The following INPP4B variants were observed in gnomAD, a reference collection of about 807,000 sequenced individuals.
INPP4B encodes the protein inositol polyphosphate-4-phosphatase type II B, also known as inositol polyphosphate 4-phosphatase type II.
INPP4B carries 55 observed loss-of-function variants against 122.5 expected under a neutral mutation model. The ratio of observed to expected loss-of-function variants is 0.45; its 90% confidence interval spans 0.36 to 0.56. The LOEUF (loss-of-function observed/expected upper bound fraction) is 0.56. Among genes scored for constraint, INPP4B ranks in the 20% least tolerant of loss-of-function variants. The probability of loss-of-function intolerance (pLI) is 0.00; values close to 1 mark genes in which losing one functional copy is unlikely to be tolerated. For missense variants in INPP4B, 1,000 were observed against 1,097.7 expected, an observed-to-expected ratio of 0.91 and a Z score of 1.26; for synonymous variants, 403 against 388.7, an observed-to-expected ratio of 1.04 and a Z score of -0.43.
intron 2 of INPP4B, among the ~76,000 whole-genome samples, chr4:142,674,221 C>A (rs1314127361): frequency 2.6e-5 from 4 of 152,078 alleles, no homozygotes; most frequent in African/African-American, 7.2e-5. Context: ...CATTTTCATG[C>A]AGGATCATTT....
chr4:142,434,238 G>T (rs144207700), intron 3 of INPP4B, among the ~76,000 whole-genome samples: 2 of 152,242 alleles, frequency 1.3e-5, no homozygotes, highest in East Asian at 3.9e-4. Context: ...TACATAATGA[G>T]CTGAAGACAC....
At chr4:142,761,029 T>G (rs1336819833) in intron 1 of INPP4B, among the ~76,000 whole-genome samples, 1 of 152,166 alleles carries the variant, frequency 6.6e-6, no homozygotes. Flanking sequence ...TATTTATTTG[T>G]ATTCTCCCAA....
At chr4:142,300,728 A>G (rs1761060896) in intron 9 of INPP4B, among the ~76,000 whole-genome samples, 1 of 152,204 alleles carries the variant, frequency 6.6e-6, no homozygotes, top group Non-Finnish European at 1.5e-5. Context: ...TTTCTTTCAT[A>G]GCATCTTGCA....
chr4:142,352,517 A>G (rs1782237250), intron 7 of INPP4B, among the ~76,000 whole-genome samples: 1 of 151,470 alleles, frequency 6.6e-6, no homozygotes, highest in African/African-American at 2.4e-5. Flanking sequence ...ACTTTTCTAC[A>G]CCAAAAATAT....
chr4:142,186,255 A>C (rs1415638994), intron 15 of INPP4B, among the ~76,000 whole-genome samples: 1 of 152,234 alleles, frequency 6.6e-6, no homozygotes, highest in Non-Finnish European at 1.5e-5. Context: ...ATAAATGCTT[A>C]GCATATATAA....
At position 142,629,268 on chromosome 4, in the gene INPP4B, T is replaced by C. The variant is rs529404824; in HGVS notation, c.-191+96571A>G. Among the ~76,000 whole-genome samples, 22 of 152,222 alleles carry C rather than the reference T, an allele frequency of 1.4e-4. No individual in the cohort carries two copies. In the South Asian group the frequency reaches 4.3e-3, roughly 30 times the overall value. On this transcript the variant is annotated intron_variant, in intron 2 of 25. Coordinates refer to ENST00000262992, the MANE Select transcript of INPP4B (RefSeq NM_001101669.3). ...AGCATGAATTCCTGGAAAACACCAGTTTTCATTTACTTATTCAACAAATGA... is the reference window on the plus strand; with the variant it reads ...AGCATGAATTCCTGGAAAACACCAGCTTTCATTTACTTATTCAACAAATGA...
intron 2 of INPP4B, among the ~76,000 whole-genome samples, chr4:142,509,306 G>A (rs1217896480): frequency 6.6e-6 from 1 of 152,082 alleles, no homozygotes; most frequent in East Asian, 1.9e-4. Context: ...GTATACATGT[G>A]CTATGGTGGT....
intron 2 of INPP4B, among the ~76,000 whole-genome samples, chr4:142,488,174 T>C (rs1335491116): frequency 2.0e-5 from 3 of 152,114 alleles, no homozygotes; most frequent in Non-Finnish European, 4.4e-5. Context: ...AACTTCCTCC[T>C]TTCTTCTGCT....
At chr4:142,170,423 C>A (rs996214614) in intron 16 of INPP4B, among the ~76,000 whole-genome samples, 9 of 151,510 alleles carry the variant, frequency 5.9e-5, no homozygotes, top group Non-Finnish European at 1.3e-4. Context: ...CATTTGTTTC[C>A]GTAGTCCTAT....
intron 2 of INPP4B, among the ~76,000 whole-genome samples, chr4:142,603,188 T>C (rs1332963207): frequency 6.6e-6 from 1 of 151,318 alleles, no homozygotes; most frequent in Non-Finnish European, 1.5e-5. Context: ...TGAGAACACA[T>C]GGACACATTG....
intron 23 of INPP4B, among the ~76,000 whole-genome samples, chr4:142,102,839 G>A (rs1316947056): frequency 1.3e-5 from 2 of 151,970 alleles, no homozygotes; most frequent in East Asian, 3.9e-4. Context: ...ATCAAGTATA[G>A]ATCCTTTGTC....
At chr4:142,246,032 ACG>A (rs1728379902) in intron 11 of INPP4B, among the ~76,000 whole-genome samples, 1 of 135,508 alleles carries the variant, frequency 7.4e-6, no homozygotes, top group African/African-American at 2.8e-5. Flanking sequence ...ATGTACACAC[ACG>A]TGTGTGTATA....
intron 7 of INPP4B, among the ~76,000 whole-genome samples, chr4:142,400,848 T>TAA (rs1474706509): frequency 5.3e-5 from 8 of 152,196 alleles, no homozygotes; most frequent in African/African-American, 1.9e-4. Flanking sequence ...AGTACATTAG[T>TAA]TGTCTATCTC....
At chr4:142,757,342 A>G (rs1770655631) in intron 1 of INPP4B, among the ~76,000 whole-genome samples, 1 of 152,100 alleles carries the variant, frequency 6.6e-6, no homozygotes, top group South Asian at 2.1e-4. Flanking sequence ...TGTACATTCT[A>G]TGGGTTTTGA....
chr4:142,793,165 G>C (rs2151070037), intron 1 of INPP4B, among the ~76,000 whole-genome samples: 1 of 152,188 alleles, frequency 6.6e-6, no homozygotes, highest in Admixed American at 6.6e-5. Flanking sequence ...ATACCCACAA[G>C]GATGTTTTGC....
chr4:142,262,899 C>A (rs1283662048), intron 10 of INPP4B, among the ~76,000 whole-genome samples: 2 of 152,162 alleles, frequency 1.3e-5, no homozygotes, highest in African/African-American at 4.8e-5. Context: ...CTTCAAAGAA[C>A]AGGAGCAACA....
At chr4:142,251,596 T>C (rs867900622) in intron 11 of INPP4B, among the ~76,000 whole-genome samples, 3 of 152,174 alleles carry the variant, frequency 2.0e-5, no homozygotes, top group Non-Finnish European at 2.9e-5. Context: ...TATCTTTCAT[T>C]AAAAATAAGA....
At chr4:142,263,648 A>ATG (rs1741284993) in intron 10 of INPP4B, among the ~76,000 whole-genome samples, 1 of 62,418 alleles carries the variant, frequency 1.6e-5, no homozygotes, top group Non-Finnish European at 2.9e-5. Flanking sequence ...AAATATATAT[A>ATG]TATATATATA....
intron 17 of INPP4B, among the ~76,000 whole-genome samples, chr4:142,150,643 C>T (rs1363235936): frequency 2.0e-5 from 3 of 152,126 alleles, no homozygotes; most frequent in Middle Eastern, 6.3e-3. Context: ...GTCAGGTGCT[C>T]ATTTATTTCT....
Sources: allele counts gnomAD v4.1 joint callset (sites outside exome capture counted in the v4.1 genomes callset), GRCh38; gene constraint gnomAD v4.1.1; transcripts MANE v1.5; gene names NCBI Gene and HGNC (gene_info 2026-07-23, HGNC 2026-07-21).